Variants in LCN9 observed in about 807,000 individuals in gnomAD.
LCN9 encodes epididymal-specific lipocalin-9.
In LCN9, 22 loss-of-function variants were observed where a neutral mutation model predicts 18.5. The ratio of observed to expected loss-of-function variants is 1.19; its 90% CI spans 0.85 to 1.70. The LOEUF is 1.70. Ranked by LOEUF, LCN9 falls within the 40% of genes most tolerant of loss-of-function variation. The pLI, the probability that LCN9 is intolerant of heterozygous loss-of-function variation, is 0.00. For synonymous variants in LCN9, 89 were observed against 83.0 expected (o/e 1.07, Z -0.39); for missense variants, 202 against 201.3 (o/e 1.00, Z -0.02).
In LCN9 at chr9:135,665,889, C is replaced by A. The variant is rs777158371; in HGVS notation, c.*38C>A. 1.2e-6 allele frequency: 2 copies of A among 1,612,450 alleles called. No individual in the cohort carries two copies. Among genetic ancestry groups the A allele is most frequent in the Non-Finnish European group, 1.7e-6 (2 of 1,179,418 alleles). Reference sequence around the variant, plus strand: ...CCTGCTACTCCAAGCATTACAGGAGCCCGCCCAGGCCTCCCATGCGTGAGC... The same window carrying A: ...CCTGCTACTCCAAGCATTACAGGAGACCGCCCAGGCCTCCCATGCGTGAGC... On this transcript the variant is annotated 3_prime_UTR_variant, in exon 6 of 6. Transcript: ENST00000619315. This position sits in a 1 kb window ranked among gnomAD's most constrained non-coding sequence, Gnocchi z 5.9.
At position 135,665,955 on chromosome 9, in the gene LCN9, G is replaced by A. The variant is rs1163132117; in HGVS notation, c.*104G>A. Reference sequence around the variant, plus strand: ...GCAGGGGGCTGGATGGGGAGAGCTTGGGGCCAACGTCAGAGGCTGCGGGGT... The same window carrying A: ...GCAGGGGGCTGGATGGGGAGAGCTTAGGGCCAACGTCAGAGGCTGCGGGGT... On this transcript the variant is annotated 3_prime_UTR_variant, in exon 6 of 6. Transcript: ENST00000619315. This position sits in a 1 kb window ranked among gnomAD's most constrained non-coding sequence, Gnocchi z 5.9. 3.1e-6 allele frequency: 5 copies of A among 1,602,286 alleles called. No individual in the cohort carries two copies. The highest frequency in any genetic ancestry group is 2.2e-5 in the East Asian group (1 of 44,690).
Position 135,665,139 on chromosome 9 carries a change from T to C in LCN9, c.308-106T>C. 1 of 819,342 alleles carries C rather than the reference T, an allele frequency of 1.2e-6. No homozygotes were observed. The highest frequency in any genetic ancestry group is 2.0e-6 in the Non-Finnish European group (1 of 495,200). The allele number at this position is 819,342 out of a possible 1,614,324, so 50.8% of individuals were successfully genotyped here. ...CACCGTGGGCTCCTCCCCTCCCGCCTCAAAAGGCCACTTGACCCCCCATCC... is the reference window on the plus strand; with the variant it reads ...CACCGTGGGCTCCTCCCCTCCCGCCCCAAAAGGCCACTTGACCCCCCATCC... On this transcript the variant is annotated intron_variant, in intron 3 of 5. Transcript: ENST00000619315. This position sits in a 1 kb window ranked among gnomAD's most constrained non-coding sequence, Gnocchi z 5.9.
In LCN9 at chr9:135,664,900, C is replaced by A; in HGVS notation, c.307+105C>A. The A allele has an allele frequency of 8.2e-7, 1 of 1,222,560 alleles. No homozygotes were observed. Among genetic ancestry groups the A allele is most frequent in the Non-Finnish European group, 1.2e-6 (1 of 869,054 alleles). The allele number at this position is 1,222,560 out of a possible 1,614,324, so 75.7% of individuals were successfully genotyped here. A position where few individuals can be genotyped will look rare whatever the true frequency, so the allele number is the denominator to read the frequency against. The stretch of plus-strand genomic sequence containing the variant: ...ACTGACTCTGGGGATTTTAGTTAAG[C>A]CCCTGACAGCTTGACCCTGAACTGG... On this transcript the variant is annotated intron_variant, in intron 3 of 5. Transcript: ENST00000619315. The surrounding 1 kb of genome is among the most constrained non-coding windows in gnomAD (Gnocchi z 4.5).
rs368386458 is a variant in LCN9, at chr9:135,665,653, C to T, written c.419-35C>T. On this transcript the variant is annotated intron_variant, in intron 4 of 5. Transcript: ENST00000619315. This position sits in a 1 kb window ranked among gnomAD's most constrained non-coding sequence, Gnocchi z 5.9. ...CACAGAACCAACTCTGTTCCCAGCA[C>T]GGGTCCCATAGCTGGAACCCTCCTT... 2.8e-5 allele frequency: 45 copies of T among 1,588,810 alleles called. No homozygotes were observed. Among genetic ancestry groups the T allele is most frequent in the African/African-American group, 2.3e-4 (17 of 74,456 alleles).
chr9:135,666,157 C>A lies in LCN9; in HGVS notation c.*306C>A. ...TGTGTGAGTCTCCAGGGGCTGATGT[C>A]ACCATATGCGGGTGACTAGGACAAC... On this transcript the variant is annotated 3_prime_UTR_variant, in exon 6 of 6. Coordinates refer to ENST00000619315, the Ensembl canonical transcript of LCN9. The A allele has an allele frequency of 2.5e-6, 4 of 1,579,206 alleles. No individual in the cohort carries two copies. In the South Asian group the frequency reaches 4.5e-5, roughly 18 times the overall value.
rs1420452023 is a variant in LCN9 at position 135,664,658 on chromosome 9, C to G, written c.234-64C>G. On this transcript the variant is annotated intron_variant, in intron 2 of 5. Coordinates refer to ENST00000619315, the Ensembl canonical transcript of LCN9. This position sits in a 1 kb window ranked among gnomAD's most constrained non-coding sequence, Gnocchi z 4.5. ...GCCTGTGCCCTGGAGGAGGGGTGCT[C>G]TCTGCCATCGCACGTCCAGGGGGCT... 2.0e-5 allele frequency: 28 copies of G among 1,406,766 alleles called. No homozygotes were observed. Among genetic ancestry groups the G allele is most frequent in the Non-Finnish European group, 2.5e-5 (26 of 1,038,040 alleles). 87.1% of individuals were successfully genotyped at this position (1,406,766 alleles called of 1,614,324 possible). A position where few individuals can be genotyped will look rare whatever the true frequency, so the allele number is the denominator to read the frequency against.
exon 6 of LCN9, among the ~76,000 whole-genome samples, chr9:135,666,693 G>C (rs1458780670): frequency 1.3e-5 from 2 of 152,180 alleles, no homozygotes; most frequent in East Asian, 3.9e-4. Context: ...GAGGGTAAAG[G>C]AGTGGATGTA....
Position 135,665,986 on chromosome 9 carries a change from C to A in LCN9, c.*135C>A, listed in dbSNP as rs1219092709. 2.5e-6 allele frequency: 4 copies of A among 1,597,834 alleles called. No homozygotes were observed. Among genetic ancestry groups the A allele is most frequent in the Non-Finnish European group, 3.4e-6 (4 of 1,178,092 alleles). Reference sequence around the variant, plus strand: ...AACGTCAGAGGCTGCGGGGTCCCACCCCAGGAGGTGCCCATCCCTCCCCCT... The same window carrying A: ...AACGTCAGAGGCTGCGGGGTCCCACACCAGGAGGTGCCCATCCCTCCCCCT... On this transcript the variant is annotated 3_prime_UTR_variant, in exon 6 of 6. Transcript: ENST00000619315. This position sits in a 1 kb window ranked among gnomAD's most constrained non-coding sequence, Gnocchi z 5.9.
chr9:135,664,945 T>C lies in LCN9; in HGVS notation c.307+150T>C, dbSNP rs1332316998. On this transcript the variant is annotated intron_variant, in intron 3 of 5. Coordinates refer to ENST00000619315, the Ensembl canonical transcript of LCN9. This position sits in a 1 kb window ranked among gnomAD's most constrained non-coding sequence, Gnocchi z 4.5. ...AACTGGAGGGACCCATCCTGGCACC[T>C]ACCCAGGGGGGCTCCTGGCCCAGGG... is the stretch of plus-strand genomic sequence containing the variant. The C allele has an allele frequency of 2.4e-6, 2 of 842,696 alleles. No individual in the cohort carries two copies. Among genetic ancestry groups the C allele is most frequent in the South Asian group, 3.3e-5 (2 of 60,372 alleles). The allele number at this position is 842,696 out of a possible 1,614,324, so 52.2% of individuals were successfully genotyped here.
At position 135,664,073 on chromosome 9, in the gene LCN9, G is replaced by A. The variant is rs1452728318; in HGVS notation, c.97-89G>A. 6.9e-6 allele frequency: 10 copies of A among 1,451,222 alleles called. No individual in the cohort carries two copies. The East Asian group carries it at 2.4e-4, about 35-fold the overall frequency. 89.9% of individuals were successfully genotyped at this position (1,451,222 alleles called of 1,614,324 possible). On this transcript the variant is annotated intron_variant, in intron 1 of 5. Transcript: ENST00000619315. The surrounding 1 kb of genome is among the most constrained non-coding windows in gnomAD (Gnocchi z 4.5). ...TCTGGTTGGGAGCCAGATGCTAAGGGGCCGGGCCCTGGGAGGGAAGACTGT... is the reference window on the plus strand; with the variant it reads ...TCTGGTTGGGAGCCAGATGCTAAGGAGCCGGGCCCTGGGAGGGAAGACTGT...
Position 135,665,576 on chromosome 9 carries a change from C to G in LCN9, c.419-112C>G, listed in dbSNP as rs546592793. ...AGCCCCTCTCTGGTCAGGGCGTGAC[C>G]CCCTGCCCAGCCTCAGCACTTCCTG... On this transcript the variant is annotated intron_variant, in intron 4 of 5. Transcript: ENST00000619315. The surrounding 1 kb of genome is among the most constrained non-coding windows in gnomAD (Gnocchi z 5.9). The G allele has an allele frequency of 3.2e-4, 348 of 1,087,182 alleles. 1 individual carries two copies. In the African/African-American group the frequency reaches 4.5e-3, roughly 14 times the overall value. The allele number at this position is 1,087,182 out of a possible 1,614,324, so 67.3% of individuals were successfully genotyped here. A position where few individuals can be genotyped will look rare whatever the true frequency, so the allele number is the denominator to read the frequency against.
chr9:135,665,564 T>G lies in LCN9; in HGVS notation c.419-124T>G. ...CACTTGGCACAAAGCCCCTCTCTGGTCAGGGCGTGACCCCCTGCCCAGCCT... is the reference window on the plus strand; with the variant it reads ...CACTTGGCACAAAGCCCCTCTCTGGGCAGGGCGTGACCCCCTGCCCAGCCT... On this transcript the variant is annotated intron_variant, in intron 4 of 5. Coordinates refer to ENST00000619315, the Ensembl canonical transcript of LCN9. This position sits in a 1 kb window ranked among gnomAD's most constrained non-coding sequence, Gnocchi z 5.9. The G allele has an allele frequency of 1.0e-6, 1 of 969,966 alleles. No homozygotes were observed. Among genetic ancestry groups the G allele is most frequent in the Non-Finnish European group, 1.6e-6 (1 of 636,630 alleles). 60.1% of individuals were successfully genotyped at this position (969,966 alleles called of 1,614,324 possible).
At position 135,664,366 on chromosome 9, in the gene LCN9, A is replaced by C; in HGVS notation, c.233+68A>C. ...CCCTGCCACCCCAACGCATACTCTC[A>C]CTCTTGCACACACACGCTCGCACAC... is the stretch of plus-strand genomic sequence containing the variant. On this transcript the variant is annotated intron_variant, in intron 2 of 5. Transcript: ENST00000619315. The surrounding 1 kb of genome is among the most constrained non-coding windows in gnomAD (Gnocchi z 4.5). 4.5e-4 allele frequency: 694 copies of C among 1,558,766 alleles called. No homozygotes were observed. Among genetic ancestry groups the C allele is most frequent in the Non-Finnish European group, 5.5e-4 (629 of 1,135,184 alleles).
chr9:135,664,597 G>C lies in LCN9; in HGVS notation c.234-125G>C. The C allele has an allele frequency of 2.2e-6, 2 of 906,046 alleles. No homozygotes were observed. Among genetic ancestry groups the C allele is most frequent in the Non-Finnish European group, 3.3e-6 (2 of 606,390 alleles). The allele number at this position is 906,046 out of a possible 1,614,324, so 56.1% of individuals were successfully genotyped here. On this transcript the variant is annotated intron_variant, in intron 2 of 5. Transcript: ENST00000619315. The surrounding 1 kb of genome is among the most constrained non-coding windows in gnomAD (Gnocchi z 4.5). ...CAGCAGGGCCCAGCCCAAGAACTTG[G>C]GGCTGTGGAATGAGGCCTGGGCATT... is the stretch of plus-strand genomic sequence containing the variant.
Position 135,664,393 on chromosome 9 carries a change from C to T in LCN9, c.233+95C>T, listed in dbSNP as rs759074241. 1.9e-5 allele frequency: 27 copies of T among 1,457,692 alleles called. No homozygotes were observed. The highest frequency in any genetic ancestry group is 2.6e-5 in the Non-Finnish European group (27 of 1,055,758). 90.3% of individuals were successfully genotyped at this position (1,457,692 alleles called of 1,614,324 possible). On this transcript the variant is annotated intron_variant, in intron 2 of 5. Coordinates refer to ENST00000619315, the Ensembl canonical transcript of LCN9. The surrounding 1 kb of genome is among the most constrained non-coding windows in gnomAD (Gnocchi z 4.5). ...TCTTGCACACACACGCTCGCACACT[C>T]ACTGACTTGCACTCTGGTGAGAGCC...
chr9:135,664,722 G>A lies in LCN9; in HGVS notation c.234G>A (p.Met78Ile). The change falls in exon 3 of 6, where the codon ATG becomes ATA. Residue 78 changes from methionine to isoleucine, a missense_variant and splice_region_variant. Physicochemically the swap from Met to Ile is conservative, Grantham distance 10. Coordinates refer to ENST00000619315, the Ensembl canonical transcript of LCN9. The surrounding 1 kb of genome is among the most constrained non-coding windows in gnomAD (Gnocchi z 4.5). ...CGGCATCTTCCTGGCTGGCTTCCAG[G>A]GTGCAGGGGGAGTGTGTGGCTGTGG... 1 of 1,584,500 alleles carries A rather than the reference G, an allele frequency of 6.3e-7. No homozygotes were observed. The highest frequency in any genetic ancestry group is 1.4e-5 in the African/African-American group (1 of 73,748).
chr9:135,666,187 A>T (rs755544307), exon 6 of LCN9: 25 of 1,536,074 alleles, frequency 1.6e-5, no homozygotes, highest in Non-Finnish European at 2.2e-5. Context: ...GACAACCAGG[A>T]TTTACTTTCT....
rs772943301 is a variant in LCN9, at chr9:135,664,723, G to C, written c.235G>C (p.Val79Leu). 2.5e-6 allele frequency: 4 copies of C among 1,593,952 alleles called. No individual in the cohort carries two copies. Among genetic ancestry groups the C allele is most frequent in the Non-Finnish European group, 3.4e-6 (4 of 1,171,032 alleles). Residue 79 changes from valine to leucine, a missense_variant and splice_region_variant, in exon 3 of 6, where the codon GTG becomes CTG. By Grantham distance (32) the Val-to-Leu change is conservative (BLOSUM62 1). Coordinates refer to ENST00000619315, the Ensembl canonical transcript of LCN9. This position sits in a 1 kb window ranked among gnomAD's most constrained non-coding sequence, Gnocchi z 4.5. ...GGCATCTTCCTGGCTGGCTTCCAGGGTGCAGGGGGAGTGTGTGGCTGTGGT... is the reference window on the plus strand; with the variant it reads ...GGCATCTTCCTGGCTGGCTTCCAGGCTGCAGGGGGAGTGTGTGGCTGTGGT...
chr9:135,665,160 C>G lies in LCN9; in HGVS notation c.308-85C>G. On this transcript the variant is annotated intron_variant, in intron 3 of 5. Coordinates refer to ENST00000619315, the Ensembl canonical transcript of LCN9. This position sits in a 1 kb window ranked among gnomAD's most constrained non-coding sequence, Gnocchi z 5.9. Reference sequence around the variant, plus strand: ...CGCCTCAAAAGGCCACTTGACCCCCCATCCTCACTTGCGGCCACACAGCAC... The same window carrying G: ...CGCCTCAAAAGGCCACTTGACCCCCGATCCTCACTTGCGGCCACACAGCAC... 2 of 940,684 alleles carry G rather than the reference C, an allele frequency of 2.1e-6. No homozygotes were observed. Among genetic ancestry groups the G allele is most frequent in the Non-Finnish European group, 3.3e-6 (2 of 597,536 alleles). The allele number at this position is 940,684 out of a possible 1,614,324, so 58.3% of individuals were successfully genotyped here. A position where few individuals can be genotyped will look rare whatever the true frequency, so the allele number is the denominator to read the frequency against.
Sources: allele counts gnomAD v4.1 joint callset (sites outside exome capture counted in the v4.1 genomes callset), GRCh38; gene constraint gnomAD v4.1.1; non-coding constraint Gnocchi (gnomAD v3.1); transcripts MANE v1.5; gene names NCBI Gene and HGNC (gene_info 2026-07-23, HGNC 2026-07-21).